The following ZC3H12B variants were observed in gnomAD, a reference collection of about 807,000 sequenced individuals.
ZC3H12B encodes the protein zinc finger CCCH-type containing 12B.
In ZC3H12B, 7 loss-of-function variants were observed where a neutral mutation model predicts 43.9. The ratio of observed to expected loss-of-function variants is 0.16; its 90% CI spans 0.09 to 0.30. The LOEUF (loss-of-function observed/expected upper bound fraction) is 0.30, where lower values mean the gene tolerates loss of function less well. ZC3H12B is among the 10% of genes least tolerant of loss of function. The pLI is 1.00. For missense variants in ZC3H12B, 475 were observed against 670.2 expected (o/e 0.71, Z 3.22); for synonymous variants, 222 against 241.7 (o/e 0.92, Z 0.76).
At chrX:65,486,873 T>C (rs1228783964), upstream of ZC3H12B, among the ~76,000 whole-genome samples, 1 of 112,463 alleles carries the variant, frequency 8.9e-6, no homozygotes, top group Non-Finnish European at 1.9e-5. Flanking sequence ...GTACCTCCCA[T>C]TTGCCAAGAA....
intron 2 of ZC3H12B, among the ~76,000 whole-genome samples, chrX:65,379,686 C>G (rs1005671876): frequency 8.9e-6 from 1 of 111,748 alleles, no homozygotes; most frequent in Non-Finnish European, 1.9e-5. Context: ...TCAAACCAAA[C>G]GCAAAGAAGT....
the ZC3H12B span, among the ~76,000 whole-genome samples, chrX:65,086,256 C>T: frequency 9.0e-6 from 1 of 111,132 alleles, no homozygotes; most frequent in African/African-American, 3.3e-5. Context: ...TAAAGCCAGT[C>T]CTATATCACA....
the ZC3H12B span, among the ~76,000 whole-genome samples, chrX:65,348,916 T>C: frequency 2.7e-5 from 3 of 111,277 alleles, no homozygotes; most frequent in Non-Finnish European, 5.7e-5. Flanking sequence ...CACACCATAA[T>C]AGTGGGAGAC....
the ZC3H12B span, among the ~76,000 whole-genome samples, chrX:65,313,550 C>T: frequency 8.9e-6 from 1 of 112,025 alleles, no homozygotes; most frequent in Non-Finnish European, 1.9e-5. Context: ...GCAGACAAAT[C>T]TATGATTCGC....
chrX:65,189,639 G>T, the ZC3H12B span, among the ~76,000 whole-genome samples: 8 of 101,112 alleles, frequency 7.9e-5, no homozygotes, highest in Non-Finnish European at 1.4e-4. Flanking sequence ...CTTTTTGATG[G>T]GGTTGTTTGT....
intron 3 of ZC3H12B, chrX:65,408,186 TC>T: frequency 8.3e-7 from 1 of 1,201,093 alleles, no homozygotes; most frequent in Middle Eastern, 3.2e-4. Context: ...GAATTCCAGT[TC>T]CTGCAGGCGC....
chrX:65,252,307 G>A, the ZC3H12B span, among the ~76,000 whole-genome samples: 1 of 111,297 alleles, frequency 9.0e-6, no homozygotes, highest in Non-Finnish European at 1.9e-5. Flanking sequence ...TGGTGGATAA[G>A]CTTTTTGATG....
the ZC3H12B span, among the ~76,000 whole-genome samples, chrX:65,234,408 G>A: frequency 1.8e-5 from 2 of 111,573 alleles, no homozygotes; most frequent in Non-Finnish European, 3.8e-5. Context: ...GTATCATACC[G>A]AATGGGGAAA....
chrX:65,218,710 C>T, the ZC3H12B span, among the ~76,000 whole-genome samples: 8 of 111,228 alleles, frequency 7.2e-5, no homozygotes, highest in African/African-American at 2.6e-4. Flanking sequence ...AACCCTGCTC[C>T]CACCTGATGG....
the ZC3H12B span, among the ~76,000 whole-genome samples, chrX:65,329,456 G>A: frequency 4.3e-4 from 43 of 99,391 alleles, no homozygotes; most frequent in African/African-American, 2.3e-3. Flanking sequence ...TTAGCCCTTT[G>A]TCAGATGAGT....
chrX:65,212,693 A>AATATATATGATTTATATATCATATAT, the ZC3H12B span, among the ~76,000 whole-genome samples: 83 of 90,399 alleles, frequency 9.2e-4, no homozygotes, highest in Non-Finnish European at 1.6e-3. Context: ...ATCATATATA[A>AATATATATGATTTATATATCATATAT]ATATATATGA....
At chrX:65,182,826 C>G in the ZC3H12B span, among the ~76,000 whole-genome samples, 1 of 111,158 alleles carries the variant, frequency 9.0e-6, no homozygotes, top group South Asian at 3.7e-4. Flanking sequence ...AAAAATTGCT[C>G]AATATTACTA....
chrX:65,209,799 GA>G, the ZC3H12B span, among the ~76,000 whole-genome samples: 1 of 101,713 alleles, frequency 9.8e-6, no homozygotes, highest in African/African-American at 3.8e-5. Context: ...ACAAACCTGA[GA>G]AAAACAAGCA....
chrX:65,076,720 A>G, the ZC3H12B span, among the ~76,000 whole-genome samples: 2 of 107,394 alleles, frequency 1.9e-5, no homozygotes, highest in African/African-American at 6.8e-5. Flanking sequence ...TGGCTGTTGT[A>G]TTTTTTTAAT....
chrX:65,438,730 G>A (rs925206508), intron 3 of ZC3H12B, among the ~76,000 whole-genome samples: 1 of 113,514 alleles, frequency 8.8e-6, no homozygotes, highest in South Asian at 3.5e-4. Context: ...GACACAGATC[G>A]CTCAGGATTT....
chrX:65,205,075 G>C, the ZC3H12B span, among the ~76,000 whole-genome samples: 1 of 112,154 alleles, frequency 8.9e-6, no homozygotes, highest in Non-Finnish European at 1.9e-5. Flanking sequence ...TATATGTATT[G>C]TAGGAATGGT....
the ZC3H12B span, among the ~76,000 whole-genome samples, chrX:65,333,130 G>A: frequency 2.5e-4 from 28 of 111,472 alleles, no homozygotes; most frequent in East Asian, 6.7e-3. Flanking sequence ...CTGTCAGAAA[G>A]TGACAATCTT....
the ZC3H12B span, among the ~76,000 whole-genome samples, chrX:65,323,335 C>T: frequency 8.9e-6 from 1 of 111,801 alleles, no homozygotes; most frequent in African/African-American, 3.3e-5. Context: ...CAACCCAGGA[C>T]ATGGGGGGCC....
intron 3 of ZC3H12B, chrX:65,408,231 C>A (rs5964968): frequency 2.5e-6 from 3 of 1,183,828 alleles, no homozygotes; most frequent in East Asian, 3.0e-5. Context: ...TGTGAGTAAC[C>A]GGCAAGTGAA....
Sources: allele counts gnomAD v4.1 joint callset (sites outside exome capture counted in the v4.1 genomes callset), GRCh38; gene constraint gnomAD v4.1.1; transcripts MANE v1.5; gene names NCBI Gene and HGNC (gene_info 2026-07-23, HGNC 2026-07-21).